The following EVA1C variants were observed in gnomAD, a reference collection of about 807,000 sequenced individuals.
EVA1C encodes the protein eva-1 homolog C, also known as protein eva-1 homolog C.
Under a neutral mutation model 45.4 loss-of-function variants are expected in EVA1C, and 25 were observed. The observed-to-expected ratio is 0.55, with a 90% CI of 0.40 to 0.77. The LOEUF is 0.77. Among genes scored for constraint, EVA1C ranks in the 30% least tolerant of loss-of-function variants. The pLI is 0.00. For synonymous variants in EVA1C, 190 were observed against 221.2 expected, an observed-to-expected ratio of 0.86 and a Z score of 1.25; for missense variants, 479 against 554.8, an observed-to-expected ratio of 0.86 and a Z score of 1.37.
chr21:32,462,586 A>G (rs2036038492), intron 3 of EVA1C, among the ~76,000 whole-genome samples: 1 of 152,180 alleles, frequency 6.6e-6, no homozygotes, highest in African/African-American at 2.4e-5. Context: ...ACTGGCCCCA[A>G]AACTGGCCAT....
chr21:32,473,276 TG>T (rs1473153020), intron 4 of EVA1C, among the ~76,000 whole-genome samples: 1 of 152,254 alleles, frequency 6.6e-6, no homozygotes, highest in Non-Finnish European at 1.5e-5. Flanking sequence ...AGTTGGATGC[TG>T]TGCTCTTCTC....
At chr21:32,511,576 G>A (rs2037954950) in intron 7 of EVA1C, among the ~76,000 whole-genome samples, 1 of 152,106 alleles carries the variant, frequency 6.6e-6, no homozygotes, top group Admixed American at 6.6e-5. Flanking sequence ...ATAAGCATGT[G>A]AAGACAGGTA....
Position 32,474,384 on chromosome 21 carries a change from C to G in EVA1C, c.634+6536C>G, listed in dbSNP as rs1286407149. 6.6e-6 allele frequency among the ~76,000 whole-genome samples: 1 copy of G among 152,206 alleles called. No homozygotes were observed. The highest frequency in any genetic ancestry group is 1.9e-4 in the East Asian group (1 of 5,198). On this transcript the variant is annotated intron_variant, in intron 4 of 7. Coordinates refer to ENST00000300255, the MANE Select transcript of EVA1C (RefSeq NM_058187.5). The surrounding 1 kb of genome is among the most constrained non-coding windows in gnomAD (Gnocchi z 4.4). ...TTATTCATACCCCTGGGCCTTTGCA[C>G]AAGCTGTCCCTTTGACCTGGACTGT...
intron 1 of EVA1C, among the ~76,000 whole-genome samples, chr21:32,439,442 G>A (rs941194306): frequency 4.6e-5 from 7 of 152,156 alleles, no homozygotes; most frequent in East Asian, 1.9e-4. Context: ...CATGATTACC[G>A]TGTGGACGCC....
chr21:32,415,508 C>A (rs565705492), intron 1 of EVA1C, among the ~76,000 whole-genome samples: 5 of 152,114 alleles, frequency 3.3e-5, no homozygotes, highest in Admixed American at 1.3e-4. Flanking sequence ...GTTCCTTAAG[C>A]CTTTCTCTTC....
rs575288244 is a variant in EVA1C at position 32,419,314 on chromosome 21, C to T, written c.160+6301C>T. On this transcript the variant is annotated intron_variant, in intron 1 of 7. Transcript: ENST00000300255. ...TACTATGAGAGAACAATTGCTCCCT[C>T]GTTACCCACCCCTATTGCCTGACTT... Among the ~76,000 whole-genome samples, 9 of 152,284 alleles carry T rather than the reference C, an allele frequency of 5.9e-5. No homozygotes were observed. The South Asian group carries it at 8.3e-4, about 14-fold the overall frequency.
chr21:32,459,417 C>T (rs1260559231), intron 3 of EVA1C, among the ~76,000 whole-genome samples: 1 of 152,248 alleles, frequency 6.6e-6, no homozygotes, highest in Non-Finnish European at 1.5e-5. Context: ...CCTCACTTCC[C>T]TCCAACCGCT....
At chr21:32,424,804 TTTTTA>T (rs964807578) in intron 1 of EVA1C, among the ~76,000 whole-genome samples, 51 of 152,184 alleles carry the variant, frequency 3.4e-4, no homozygotes, top group African/African-American at 1.1e-3. Context: ...TTCCGTATTT[TTTTTA>T]TTTTAAGTTA....
intron 4 of EVA1C, among the ~76,000 whole-genome samples, chr21:32,484,780 C>T (rs1301146915): frequency 6.6e-6 from 1 of 152,218 alleles, no homozygotes; most frequent in East Asian, 1.9e-4. Flanking sequence ...CAGTGAGCTC[C>T]CTCGACTCAC....
chr21:32,425,291 C>T (rs1471886288), intron 1 of EVA1C, among the ~76,000 whole-genome samples: 4 of 147,432 alleles, frequency 2.7e-5, no homozygotes, highest in African/African-American at 5.1e-5. Context: ...GCCGAGATCA[C>T]GCCACTGCAC....
chr21:32,411,842 A>G (rs2033836592), upstream of EVA1C, among the ~76,000 whole-genome samples: 1 of 152,160 alleles, frequency 6.6e-6, no homozygotes, highest in South Asian at 2.1e-4. Context: ...CCCCTCGCGC[A>G]CTTGTCCTCG....
intron 1 of EVA1C, among the ~76,000 whole-genome samples, chr21:32,414,221 C>T (rs1233795436): frequency 6.6e-6 from 1 of 152,150 alleles, no homozygotes; most frequent in East Asian, 1.9e-4. Context: ...CCACCCACGG[C>T]CCTTAAAATC....
At position 32,501,598 on chromosome 21, in the gene EVA1C, CAGG is replaced by C. The variant is rs1230457510; in HGVS notation, c.859+107_859+109del. 9.2e-5 allele frequency: 135 copies of C among 1,473,570 alleles called. No homozygotes were observed. The South Asian group carries it at 1.7e-3, about 18-fold the overall frequency. The allele number at this position is 1,473,570 out of a possible 1,614,324, so 91.3% of individuals were successfully genotyped here. On this transcript the variant is annotated intron_variant, in intron 6 of 7. Coordinates refer to ENST00000300255, the MANE Select transcript of EVA1C (RefSeq NM_058187.5). Reference sequence around the variant, plus strand: ...CCTTGGTTAGAATGGAAGGGGCTGTCAGGAGGTGTGTTTGAGGTACCGGTCCTG... The same window carrying C: ...CCTTGGTTAGAATGGAAGGGGCTGTCAGGTGTGTTTGAGGTACCGGTCCTG...
At chr21:32,513,177 T>G (rs2038016330) in intron 7 of EVA1C, among the ~76,000 whole-genome samples, 1 of 148,330 alleles carries the variant, frequency 6.7e-6, no homozygotes, top group South Asian at 2.1e-4. Context: ...TTATTTTATT[T>G]TATTTATTTA....
chr21:32,420,969 T>C (rs2034246456), intron 1 of EVA1C, among the ~76,000 whole-genome samples: 1 of 152,250 alleles, frequency 6.6e-6, no homozygotes, highest in Non-Finnish European at 1.5e-5. Context: ...GAGCCAAATC[T>C]TTCCCAGGAC....
intron 3 of EVA1C, among the ~76,000 whole-genome samples, chr21:32,466,756 T>C (rs868511209): frequency 1.1e-4 from 17 of 152,198 alleles, no homozygotes; most frequent in Admixed American, 5.9e-4. Context: ...TAACTGACAC[T>C]GTGCCTTGTT....
At chr21:32,491,868 G>C (rs1193544230) in intron 4 of EVA1C, among the ~76,000 whole-genome samples, 3 of 151,984 alleles carry the variant, frequency 2.0e-5, no homozygotes, top group Non-Finnish European at 4.4e-5. Flanking sequence ...AAGGTGGCTG[G>C]AAAGAGTAAA....
At chr21:32,450,535 C>G (rs952928974) in intron 1 of EVA1C, among the ~76,000 whole-genome samples, 1 of 151,798 alleles carries the variant, frequency 6.6e-6, no homozygotes, top group Admixed American at 6.6e-5. Context: ...GGGTGATGGA[C>G]AAGAAGGTTT....
chr21:32,435,699 C>CTG (rs2034918338), intron 1 of EVA1C, among the ~76,000 whole-genome samples: 1 of 152,250 alleles, frequency 6.6e-6, no homozygotes, highest in Non-Finnish European at 1.5e-5. Context: ...TTTGCAAGGC[C>CTG]CAGTGCAAGA....
Sources: allele counts gnomAD v4.1 joint callset (sites outside exome capture counted in the v4.1 genomes callset), GRCh38; gene constraint gnomAD v4.1.1; non-coding constraint Gnocchi (gnomAD v3.1); transcripts MANE v1.5; gene names NCBI Gene and HGNC (gene_info 2026-07-23, HGNC 2026-07-21).